ABCB9: variants seen among roughly 807,000 people sequenced by gnomAD.
ABCB9 encodes ATP binding cassette subfamily B member 9.
Under a neutral mutation model 62.0 loss-of-function variants are expected in ABCB9, and 36 were observed. The observed-to-expected ratio is 0.58, with a 90% CI of 0.45 to 0.77. The LOEUF (loss-of-function observed/expected upper bound fraction) is 0.77, where lower values mean the gene tolerates loss of function less well. Ranked by LOEUF, ABCB9 falls within the 30% of genes least tolerant of loss-of-function variation. The probability of loss-of-function intolerance (pLI) is 0.00; values close to 1 mark genes in which losing one functional copy is unlikely to be tolerated. For synonymous variants in ABCB9, 435 were observed against 461.4 expected (o/e 0.94, Z 0.73); for missense variants, 943 against 1,054.7 (o/e 0.89, Z 1.47).
chr12:122,937,466 T>A (rs775077845), intron 9 of ABCB9, among the ~76,000 whole-genome samples: 1 of 151,990 alleles, frequency 6.6e-6, no homozygotes, highest in Non-Finnish European at 1.5e-5. Flanking sequence ...ATATCTTCAG[T>A]CATCAGGAAA....
At chr12:122,920,947 G>C, downstream of ABCB9, 5 of 1,414,452 alleles carry the variant, frequency 3.5e-6, no homozygotes, top group Non-Finnish European at 4.8e-6. Context: ...ATAGACTCGT[G>C]TTTGCTGCAC....
At chr12:122,949,941 A>G (rs758267756) in intron 3 of ABCB9, 23 bp from the exon 4 acceptor site, 1 of 1,613,708 alleles carries the variant, frequency 6.2e-7, no homozygotes, top group Non-Finnish European at 8.5e-7. Context: ...AAGAGATATT[A>G]TAGCACGATG....
At position 122,940,799 on chromosome 12, in the gene ABCB9, G is replaced by A. The variant is rs373910704; in HGVS notation, c.1569+8C>T. ...CTGATTCTGGCAGGCCTCAAGCCGC[G>A]CCCTCACCTGCAGGACCTGGGTGTG... On this transcript the variant is annotated splice_region_variant and intron_variant, in intron 8 of 11. Coordinates refer to ENST00000280560, the MANE Select transcript of ABCB9 (RefSeq NM_019625.4). This position sits in a 1 kb window ranked among gnomAD's most constrained non-coding sequence, Gnocchi z 4.8. 6.9e-5 allele frequency: 109 copies of A among 1,571,098 alleles called. 1 individual carries two copies. The highest frequency in any genetic ancestry group is 1.9e-4 in the Admixed American group (11 of 57,926).
rs1483393571 is a variant in ABCB9, at chr12:122,932,160, G to GC, written c.2040+31dup. On this transcript the variant is annotated intron_variant, in intron 11 of 11. Transcript: ENST00000280560. The surrounding 1 kb of genome is among the most constrained non-coding windows in gnomAD (Gnocchi z 4.7). Reference sequence around the variant, plus strand: ...GCTCTGGCCACCTGGAGCCGCTCCTGCCCCCGCATTGCCCACCACCCTGTG... The same window carrying GC: ...GCTCTGGCCACCTGGAGCCGCTCCTGCCCCCCGCATTGCCCACCACCCTGTG... 1.9e-6 allele frequency: 3 copies of GC among 1,550,836 alleles called. No individual in the cohort carries two copies. In the Admixed American group the frequency reaches 5.9e-5, roughly 30 times the overall value.
Position 122,964,238 on chromosome 12 carries a change from GAC to G in ABCB9, c.-88+2047_-88+2048del, listed in dbSNP as rs1283254656. ...GGGGCTTGGCTGACTCTCCCAACCT[GAC>G]TCCCAGCCTCTGGGGGAATTCCTTC... On this transcript the variant is annotated intron_variant, in intron 1 of 11. Transcript: ENST00000280560. This position sits in a 1 kb window ranked among gnomAD's most constrained non-coding sequence, Gnocchi z 4.7. Among the ~76,000 whole-genome samples, 1 of 152,166 alleles carries G rather than the reference GAC, an allele frequency of 6.6e-6. No homozygotes were observed. Among genetic ancestry groups the G allele is most frequent in the Non-Finnish European group, 1.5e-5 (1 of 68,022 alleles).
rs1393028233 is a variant in ABCB9 at position 122,947,215 on chromosome 12, T to C, written c.1054-993A>G. On this transcript the variant is annotated intron_variant, in intron 5 of 11. Coordinates refer to ENST00000280560, the MANE Select transcript of ABCB9 (RefSeq NM_019625.4). This position sits in a 1 kb window ranked among gnomAD's most constrained non-coding sequence, Gnocchi z 6.0. ...TTTCTTGCTCCATCCCAGGGGCTGG[T>C]GGGAAGGCCGGAAGCAAGGGGTGGG... is the stretch of plus-strand genomic sequence containing the variant. Among the ~76,000 whole-genome samples, 2 of 151,962 alleles carry C rather than the reference T, an allele frequency of 1.3e-5. No individual in the cohort carries two copies. The highest frequency in any genetic ancestry group is 2.9e-5 in the Non-Finnish European group (2 of 67,980).
At chr12:122,928,510 C>G (rs1003570052), downstream of ABCB9, among the ~76,000 whole-genome samples, 3 of 151,830 alleles carry the variant, frequency 2.0e-5, no homozygotes, top group African/African-American at 7.3e-5. Flanking sequence ...TACCAGTTGG[C>G]ACAGAGCCCT....
chr12:122,948,815 G>A lies in ABCB9; in HGVS notation c.862C>T (p.Arg288Cys), dbSNP rs768654566. The change falls in exon 5 of 12, where the codon CGC becomes TGC. Residue 288 changes from arginine (R) to cysteine (C), a missense_variant. Coordinates refer to ENST00000280560, the MANE Select transcript of ABCB9 (RefSeq NM_019625.4). ...ACCATGGTGGTGTCCGAGGTCAGGC[G>A]GGAGATGAGGTCCCCTGGAACACAC... is the stretch of plus-strand genomic sequence containing the variant. The part of the protein sequence containing the change: ...DENRTGDLIS[R>C]LTSDTTMVSD... 4.5e-6 allele frequency: 7 copies of A among 1,570,914 alleles called. No individual in the cohort carries two copies. Among genetic ancestry groups the A allele is most frequent in the African/African-American group, 1.4e-5 (1 of 73,384 alleles).
At chr12:122,925,147 G>C (rs11609798), downstream of ABCB9, among the ~76,000 whole-genome samples, 50,807 of 151,946 alleles carry the variant, frequency 0.33, 10,647 homozygotes, top group East Asian at 0.67. Flanking sequence ...TCTTGAACTC[G>C]TGGGCTCAAG....
intron 1 of ABCB9, 65 bp from the exon 2 acceptor site, chr12:122,960,387 C>G (rs2036830928): frequency 9.2e-7 from 1 of 1,086,274 alleles, no homozygotes; most frequent in Admixed American, 2.9e-5. Context: ...GCTGTGTGAC[C>G]TTGAGAAAGT....
Position 122,959,844 on chromosome 12 carries a change from A to C in ABCB9, c.392T>G (p.Phe131Cys). Reference protein sequence around the residue: ...VWTYISLGASFLLWWLLSTVR... With the variant: ...VWTYISLGASCLLWWLLSTVR... The stretch of plus-strand genomic sequence containing the variant: ...GGTGGACAGCAGCCACCAGAGCAGG[A>C]AGGATGCGCCGAGTGAAATGTACGT... The change falls in exon 2 of 12, where the codon TTC becomes TGC. Residue 131 changes from phenylalanine to cysteine, a missense_variant. Phe to Cys is a radical substitution (Grantham distance 205). Coordinates refer to ENST00000280560, the MANE Select transcript of ABCB9 (RefSeq NM_019625.4). The surrounding 1 kb of genome is among the most constrained non-coding windows in gnomAD (Gnocchi z 5.4). 1 of 1,613,310 alleles carries C rather than the reference A, an allele frequency of 6.2e-7. No individual in the cohort carries two copies. The highest frequency in any genetic ancestry group is 8.5e-7 in the Non-Finnish European group (1 of 1,179,830).
At chr12:122,971,886 C>T (rs1456754780) in intron 1 of ABCB9, among the ~76,000 whole-genome samples, 1 of 151,912 alleles carries the variant, frequency 6.6e-6, no homozygotes, top group Non-Finnish European at 1.5e-5. Context: ...GCTGTGTGTG[C>T]TGTGGCTATA....
rs1387462928 is a variant in ABCB9 at position 122,956,666 on chromosome 12, G to A, written c.601+2969C>T. 7.2e-5 allele frequency among the ~76,000 whole-genome samples: 11 copies of A among 152,288 alleles called. No homozygotes were observed. The East Asian group carries it at 1.4e-3, about 19-fold the overall frequency. ...CTCCCAAATAGCTGGAATTACAGGCGTATGCCAGCACATCTGGCTAAGTTT... is the reference window on the plus strand; with the variant it reads ...CTCCCAAATAGCTGGAATTACAGGCATATGCCAGCACATCTGGCTAAGTTT... On this transcript the variant is annotated intron_variant, in intron 2 of 11. Transcript: ENST00000280560.
At position 122,932,382 on chromosome 12, in the gene ABCB9, C is replaced by T. The variant is rs931907130; in HGVS notation, c.1904-54G>A. The T allele has an allele frequency of 1.8e-5, 27 of 1,513,346 alleles. No individual in the cohort carries two copies. In the Admixed American group the frequency reaches 3.2e-4, roughly 18 times the overall value. 93.7% of individuals were successfully genotyped at this position (1,513,346 alleles called of 1,614,324 possible). On this transcript the variant is annotated intron_variant, in intron 10 of 11. Coordinates refer to ENST00000280560, the MANE Select transcript of ABCB9 (RefSeq NM_019625.4). This position sits in a 1 kb window ranked among gnomAD's most constrained non-coding sequence, Gnocchi z 4.7. ...AGCAATGGGTGAGGCCGGGCAGCAC[C>T]GGGGAAGAGTGAGAGGCCCTGCCCT...
chr12:122,973,982 T>G (rs2037335248), intron 1 of ABCB9, among the ~76,000 whole-genome samples: 1 of 152,168 alleles, frequency 6.6e-6, no homozygotes, highest in Non-Finnish European at 1.5e-5. Flanking sequence ...GAGGCAGAGG[T>G]TGCAGTGAGC....
At position 122,960,335 on chromosome 12, in the gene ABCB9, C is replaced by T; in HGVS notation, c.-87-13G>A. ...GGCGAGGCCAGGCCTGTAGGGACAACAGCAAACATCAGCACAAGGGGTTCA... is the reference window on the plus strand; with the variant it reads ...GGCGAGGCCAGGCCTGTAGGGACAATAGCAAACATCAGCACAAGGGGTTCA... On this transcript the variant is annotated splice_polypyrimidine_tract_variant and intron_variant, in intron 1 of 11. Coordinates refer to ENST00000280560, the MANE Select transcript of ABCB9 (RefSeq NM_019625.4). The T allele has an allele frequency of 6.9e-7, 1 of 1,449,604 alleles. No homozygotes were observed. Among genetic ancestry groups the T allele is most frequent in the Non-Finnish European group, 9.2e-7 (1 of 1,090,580 alleles). The allele number at this position is 1,449,604 out of a possible 1,614,324, so 89.8% of individuals were successfully genotyped here. A position where few individuals can be genotyped will look rare whatever the true frequency, so the allele number is the denominator to read the frequency against.
In ABCB9 at chr12:122,966,334, T is replaced by A. The variant is rs938730100; in HGVS notation, c.-135A>T. The A allele has an allele frequency of 6.6e-6, 1 of 152,494 alleles. No homozygotes were observed. The highest frequency in any genetic ancestry group is 2.4e-5 in the African/African-American group (1 of 41,430). The allele number at this position is 152,494 out of a possible 1,614,324, so 9.4% of individuals were successfully genotyped here. A position where few individuals can be genotyped will look rare whatever the true frequency, so the allele number is the denominator to read the frequency against. On this transcript the variant is annotated 5_prime_UTR_variant, in exon 1 of 12. Coordinates refer to ENST00000280560, the MANE Select transcript of ABCB9 (RefSeq NM_019625.4). ...CTCTGGGAGGGGGCGCGCAGCAGGC[T>A]CGGGTCTGGGGTGCAGTTTCCGCGC...
intron 1 of ABCB9, among the ~76,000 whole-genome samples, chr12:122,972,037 C>CTTTTTTTTTTTTTTTTTTTTT (rs57112984): frequency 3.0e-5 from 3 of 99,270 alleles, no homozygotes; most frequent in African/African-American, 4.1e-5. Flanking sequence ...TTCATAATGT[C>CTTTTTTTTTTTTTTTTTTTTT]TTTTTTTTTT....
intron 1 of ABCB9, among the ~76,000 whole-genome samples, chr12:122,973,569 TC>T (rs2037315355): frequency 1.9e-5 from 1 of 52,852 alleles, no homozygotes. Flanking sequence ...AGACTCCGTC[TC>T]AAAAAAAGAA....
Sources: allele counts gnomAD v4.1 joint callset (sites outside exome capture counted in the v4.1 genomes callset), GRCh38; gene constraint gnomAD v4.1.1; non-coding constraint Gnocchi (gnomAD v3.1); transcripts MANE v1.5; gene names NCBI Gene and HGNC (gene_info 2026-07-23, HGNC 2026-07-21).